ADCY1: variants seen among roughly 807,000 people sequenced by gnomAD.
ADCY1 encodes adenylate cyclase type 1.
A neutral mutation model predicts 105.4 loss-of-function variants in ADCY1; 28 were observed. The observed-to-expected ratio is 0.27, with a 90% confidence interval of 0.20 to 0.36. The LOEUF is 0.36. Ranked by LOEUF, ADCY1 falls within the 10% of genes least tolerant of loss-of-function variation. The probability of loss-of-function intolerance (pLI) is 1.00; values close to 1 mark genes in which losing one functional copy is unlikely to be tolerated. For synonymous variants in ADCY1, 655 were observed against 623.8 expected (o/e 1.05, Z -0.75); for missense variants, 977 against 1,434.2 (o/e 0.68, Z 5.15).
At chr7:45,696,378 G>T (rs538372589) in intron 14 of ADCY1, among the ~76,000 whole-genome samples, 2 of 138,676 alleles carry the variant, frequency 1.4e-5, no homozygotes, top group South Asian at 4.5e-4. Flanking sequence ...GGCGGAGCTT[G>T]CAGTGAGCTG....
intron 4 of ADCY1, among the ~76,000 whole-genome samples, chr7:45,625,684 G>A (rs1794039183): frequency 6.6e-6 from 1 of 152,076 alleles, no homozygotes; most frequent in South Asian, 2.1e-4. Context: ...GCATGTGTGT[G>A]TACCTGTGTG....
intron 12 of ADCY1, 143 bp downstream of exon 12, chr7:45,685,211 G>C: frequency 1.4e-6 from 1 of 724,108 alleles, no homozygotes; most frequent in East Asian, 2.5e-5. Flanking sequence ...CAAGGAGCCA[G>C]GGAACAAGAG....
Position 45,657,892 on chromosome 7 carries a change from C to T in ADCY1, c.1307+7C>T, listed in dbSNP as rs375438778. 36 of 320,984 alleles carry T rather than the reference C, an allele frequency of 1.1e-4. No individual in the cohort carries two copies. Among genetic ancestry groups the T allele is most frequent in the Non-Finnish European group, 6.0e-5 (10 of 166,086 alleles). 19.9% of individuals were successfully genotyped at this position (320,984 alleles called of 1,614,324 possible). A position where few individuals can be genotyped will look rare whatever the true frequency, so the allele number is the denominator to read the frequency against. ...AAGCCGCTGGCCTGCCAGGGTAAGT[C>T]GGGGATGGGGTGGGGAGGGGAGGGA... On this transcript the variant is annotated splice_region_variant and intron_variant, in intron 6 of 19. Transcript: ENST00000297323.
chr7:45,593,871 A>G (rs1268928673), intron 2 of ADCY1, among the ~76,000 whole-genome samples: 1 of 152,272 alleles, frequency 6.6e-6, no homozygotes, highest in Admixed American at 6.5e-5. Context: ...TCACATATGT[A>G]TGTTTAGGTG....
chr7:45,633,800 C>CAAAAA (rs754127020), intron 4 of ADCY1, among the ~76,000 whole-genome samples: 1 of 49,496 alleles, frequency 2.0e-5, no homozygotes. Context: ...GACATCATCG[C>CAAAAA]AAAAAAAAAA....
Position 45,604,948 on chromosome 7 carries a change from C to A in ADCY1, c.790-5431C>A, listed in dbSNP as rs76025120. Among the ~76,000 whole-genome samples, 327 of 152,228 alleles carry A rather than the reference C, an allele frequency of 2.1e-3. 1 individual carries two copies. Among genetic ancestry groups the A allele is most frequent in the African/African-American group, 7.3e-3 (303 of 41,548 alleles). ...TCTTTACTAAGTTGAGTCTTCCAATCCATGAACATGGTATGTCTCTCCATT... is the reference window on the plus strand; with the variant it reads ...TCTTTACTAAGTTGAGTCTTCCAATACATGAACATGGTATGTCTCTCCATT... On this transcript the variant is annotated intron_variant, in intron 2 of 19. Coordinates refer to ENST00000297323, the MANE Select transcript of ADCY1 (RefSeq NM_021116.4).
intron 2 of ADCY1, among the ~76,000 whole-genome samples, chr7:45,601,891 A>G (rs1388748105): frequency 6.6e-6 from 1 of 152,046 alleles, no homozygotes; most frequent in African/African-American, 2.4e-5. Context: ...GGAGGACACC[A>G]TGGCTGAGAA....
chr7:45,686,567 G>A lies in ADCY1; in HGVS notation c.2348G>A (p.Arg783His), dbSNP rs774352008. The change falls in exon 14 of 20, where the codon CGC (arginine) becomes CAC (histidine). Residue 783 changes from arginine (R) to histidine (H), a missense_variant. By Grantham distance (29) the Arg-to-His change is conservative. This residue lies in a region of ADCY1 where 275 missense variants were observed against 362.1 expected (regional missense o/e 0.76). Transcript: ENST00000297323. The surrounding 1 kb of genome is among the most constrained non-coding windows in gnomAD (Gnocchi z 4.3). ...CCCAGGGGTGGTGCCGTCTCCGGGC[G>A]CAGCTACGAGCCGATTGTGGCCATC... ...TRTGGGAVSG[R>H]SYEPIVAILL... 1.3e-5 allele frequency: 21 copies of A among 1,611,970 alleles called. No homozygotes were observed. Among genetic ancestry groups the A allele is most frequent in the Middle Eastern group, 3.3e-4 (2 of 6,076 alleles).
At chr7:45,592,286 C>T (rs1792942520) in intron 1 of ADCY1, among the ~76,000 whole-genome samples, 1 of 152,060 alleles carries the variant, frequency 6.6e-6, no homozygotes, top group African/African-American at 2.4e-5. Flanking sequence ...TCTCCTGAGA[C>T]CTCGTTCCTG....
Position 45,679,682 on chromosome 7 carries a change from G to T in ADCY1, c.1899-27G>T, listed in dbSNP as rs373186193. 7.8e-4 allele frequency: 1,257 copies of T among 1,613,330 alleles called. 5 individuals carry two copies. Among genetic ancestry groups the T allele is most frequent in the African/African-American group, 1.6e-3 (121 of 75,014 alleles). Reference sequence around the variant, plus strand: ...CGCCTCTCCTAATCCCCACCTATCAGTGACTCTCATGTTTTCTGTCCCCCA... The same window carrying T: ...CGCCTCTCCTAATCCCCACCTATCATTGACTCTCATGTTTTCTGTCCCCCA... On this transcript the variant is annotated intron_variant, in intron 10 of 19. Transcript: ENST00000297323.
chr7:45,584,844 T>C (rs562976722), intron 1 of ADCY1, among the ~76,000 whole-genome samples: 30 of 152,324 alleles, frequency 2.0e-4, no homozygotes, highest in Admixed American at 1.8e-3. Context: ...GAAGCAGCAT[T>C]ATTGTGGTAA....
chr7:45,583,192 T>C (rs906249920), intron 1 of ADCY1, among the ~76,000 whole-genome samples: 2 of 152,254 alleles, frequency 1.3e-5, no homozygotes, highest in African/African-American at 4.8e-5. Context: ...TGTTTGTATG[T>C]CGGTGCATGC....
chr7:45,689,885 G>A (rs931387207), intron 14 of ADCY1, among the ~76,000 whole-genome samples: 32 of 152,344 alleles, frequency 2.1e-4, no homozygotes, highest in African/African-American at 6.5e-4. Context: ...GGAAAGGGAC[G>A]AGGAACATGG....
At chr7:45,676,700 G>A (rs1003140408) in intron 8 of ADCY1, among the ~76,000 whole-genome samples, 8 of 152,094 alleles carry the variant, frequency 5.3e-5, no homozygotes, top group Middle Eastern at 6.3e-3. Context: ...GTGGAGATGA[G>A]CATCTCCACT....
chr7:45,585,475 C>T (rs1176074229), intron 1 of ADCY1, among the ~76,000 whole-genome samples: 4 of 141,526 alleles, frequency 2.8e-5, no homozygotes, highest in Non-Finnish European at 6.0e-5. Flanking sequence ...TGAAGTTTCG[C>T]TCTTGTTACT....
chr7:45,711,385 G>A (rs1358548700), intron 19 of ADCY1, among the ~76,000 whole-genome samples: 1 of 152,022 alleles, frequency 6.6e-6, no homozygotes, highest in African/African-American at 2.4e-5. Flanking sequence ...GGGACAGGTA[G>A]GCCAAAATAT....
rs1436170302 is a variant in ADCY1 at position 45,574,946 on chromosome 7, C to T, written c.403C>T (p.Leu135=). The part of the protein sequence containing the change: ...LALLFSLTFA[L]LCCPFALGGP... ...GCTGCTCTTCAGCCTCACCTTCGCGCTGCTCTGCTGTCCTTTCGCGCTGGG... is the reference window on the plus strand; with the variant it reads ...GCTGCTCTTCAGCCTCACCTTCGCGTTGCTCTGCTGTCCTTTCGCGCTGGG... The change falls in exon 1 of 20, where the codon CTG becomes TTG. Residue 135 remains leucine (L), a synonymous_variant. Transcript: ENST00000297323. The surrounding 1 kb of genome is among the most constrained non-coding windows in gnomAD (Gnocchi z 7.0). The T allele has an allele frequency of 6.2e-7, 1 of 1,612,084 alleles. No individual in the cohort carries two copies.
intron 8 of ADCY1, among the ~76,000 whole-genome samples, chr7:45,669,641 C>T (rs923047237): frequency 6.6e-6 from 1 of 152,048 alleles, no homozygotes; most frequent in African/African-American, 2.4e-5. Context: ...GTATTTTCTT[C>T]TCTGTTTCTG....
chr7:45,593,199 G>C (rs1792976402), intron 2 of ADCY1, among the ~76,000 whole-genome samples: 1 of 152,238 alleles, frequency 6.6e-6, no homozygotes, highest in Admixed American at 6.5e-5. Flanking sequence ...AGCTGCCCAG[G>C]GAGGACGAGG....
Sources: allele counts gnomAD v4.1 joint callset (sites outside exome capture counted in the v4.1 genomes callset), GRCh38; gene constraint gnomAD v4.1.1; regional missense constraint gnomAD v4.1.1; non-coding constraint Gnocchi (gnomAD v3.1); transcripts MANE v1.5; gene names NCBI Gene and HGNC (gene_info 2026-07-23, HGNC 2026-07-21).